The following RBKS variants were observed in gnomAD, a reference collection of about 807,000 sequenced individuals.
The protein encoded by RBKS is ribokinase.
RBKS carries 33 observed loss-of-function variants against 33.9 expected under a neutral mutation model. The ratio of observed to expected loss-of-function variants is 0.97; its 90% CI spans 0.74 to 1.30. The LOEUF is 1.30. RBKS is among the 50% of genes most tolerant of loss of function. The probability of loss-of-function intolerance (pLI) is 0.00; values close to 1 mark genes in which losing one functional copy is unlikely to be tolerated. For synonymous variants in RBKS, 125 were observed against 143.0 expected (o/e 0.87, Z 0.90); for missense variants, 361 against 392.6 (o/e 0.92, Z 0.68).
chr2:27,790,586 C>T (rs972672475), intron 7 of RBKS, among the ~76,000 whole-genome samples: 12 of 151,978 alleles, frequency 7.9e-5, no homozygotes, highest in African/African-American at 2.7e-4. Context: ...AGACCAACAA[C>T]ACAATAAAAA....
rs530773010 is a variant in RBKS, at chr2:27,810,767, C to T, written c.795+16800G>A. Among the ~76,000 whole-genome samples, 2 of 152,156 alleles carry T rather than the reference C, an allele frequency of 1.3e-5. No individual in the cohort carries two copies. Among genetic ancestry groups the T allele is most frequent in the Non-Finnish European group, 2.9e-5 (2 of 68,030 alleles). ...CTTCTCAGCATCCCCATTTCCACTT[C>T]CCTAGTCCAGGCTGCCACCATCTCT... On this transcript the variant is annotated intron_variant, in intron 7 of 7. Transcript: ENST00000302188. The surrounding 1 kb of genome is among the most constrained non-coding windows in gnomAD (Gnocchi z 4.4).
intron 7 of RBKS, among the ~76,000 whole-genome samples, chr2:27,811,834 C>T (rs1325068121): frequency 6.6e-6 from 1 of 151,946 alleles, no homozygotes; most frequent in South Asian, 2.1e-4. Context: ...GTTTTAATGG[C>T]CATGTTTGGA....
At chr2:27,826,999 GA>G (rs11429808) in intron 7 of RBKS, among the ~76,000 whole-genome samples, 5 of 151,752 alleles carry the variant, frequency 3.3e-5, no homozygotes, top group South Asian at 2.1e-4. Context: ...AAGATTAAAT[GA>G]AAAAAAAGAT....
At chr2:27,806,874 G>C (rs947255975) in intron 7 of RBKS, among the ~76,000 whole-genome samples, 4 of 152,222 alleles carry the variant, frequency 2.6e-5, no homozygotes, top group Non-Finnish European at 1.5e-5. Flanking sequence ...GGTGGGGCCT[G>C]GGATTTGTGT....
chr2:27,845,966 A>G (rs1413496962), intron 4 of RBKS, among the ~76,000 whole-genome samples: 1 of 145,310 alleles, frequency 6.9e-6, no homozygotes, highest in African/African-American at 2.5e-5. Flanking sequence ...GGTTGTTACC[A>G]TTTTTTTTTT....
chr2:27,885,484 T>C (rs975090042), intron 1 of RBKS, among the ~76,000 whole-genome samples: 2 of 152,218 alleles, frequency 1.3e-5, no homozygotes, highest in Non-Finnish European at 2.9e-5. Flanking sequence ...GACTCTTTTT[T>C]TCTTCTTCAT....
chr2:27,789,024 C>T (rs1429810664), intron 7 of RBKS, among the ~76,000 whole-genome samples: 1 of 152,044 alleles, frequency 6.6e-6, no homozygotes, highest in African/African-American at 2.4e-5. Flanking sequence ...TGGAAATGAC[C>T]TAGAATAGCC....
chr2:27,789,898 AGAGTGTGTGTGTGTGTGTTTGTGTGTG>A (rs1677476471), intron 7 of RBKS, among the ~76,000 whole-genome samples: 1 of 130,684 alleles, frequency 7.7e-6, no homozygotes, highest in South Asian at 2.3e-4. Context: ...GTGTGTGTAT[AGAGTGTGTGTGTGTGTGTTTGTGTGTG>A]TATATATATA....
At chr2:27,791,782 T>C (rs1677532415) in intron 7 of RBKS, among the ~76,000 whole-genome samples, 1 of 151,870 alleles carries the variant, frequency 6.6e-6, no homozygotes, top group African/African-American at 2.4e-5. Flanking sequence ...CTAGAAAAGG[T>C]AAAAATGTGG....
chr2:27,850,920 G>C (rs1397886722), intron 2 of RBKS, among the ~76,000 whole-genome samples: 1 of 152,178 alleles, frequency 6.6e-6, no homozygotes, highest in East Asian at 1.9e-4. Flanking sequence ...CCACATTCCT[G>C]CAAGGCAAAC....
intron 7 of RBKS, among the ~76,000 whole-genome samples, chr2:27,796,421 T>A (rs1677666934): frequency 6.6e-6 from 1 of 152,198 alleles, no homozygotes; most frequent in Non-Finnish European, 1.5e-5. Flanking sequence ...TTCATCTTCC[T>A]TCAATATAAT....
chr2:27,789,973 G>GTGTATATATATATATATATA (rs1677489204), intron 7 of RBKS, among the ~76,000 whole-genome samples: 4 of 85,256 alleles, frequency 4.7e-5, no homozygotes, highest in African/African-American at 1.9e-4. Flanking sequence ...ATATATATAT[G>GTGTATATATATATATATATA]TATATATATA....
chr2:27,880,783 A>G (rs1051003579), intron 1 of RBKS, among the ~76,000 whole-genome samples: 3 of 152,244 alleles, frequency 2.0e-5, no homozygotes, highest in African/African-American at 7.2e-5. Context: ...AACAAATAGA[A>G]AAAACATTCC....
Position 27,783,643 on chromosome 2 carries a change from C to G in RBKS, c.796-1855G>C, listed in dbSNP as rs192548115. ...CATTCTTAGGCCGGGCGCAGTGGCT[C>G]ACGCCTGTAATCCCAGCACTTCGGG... is the stretch of plus-strand genomic sequence containing the variant. On this transcript the variant is annotated intron_variant, in intron 7 of 7. Transcript: ENST00000302188. Among the ~76,000 whole-genome samples the G allele has an allele frequency of 8.5e-5, 13 of 152,248 alleles. No homozygotes were observed. The East Asian group carries it at 2.5e-3, about 30-fold the overall frequency.
intron 1 of RBKS, chr2:27,870,962 G>A (rs927346655): frequency 8.9e-6 from 4 of 449,510 alleles, no homozygotes; most frequent in African/African-American, 2.0e-5. Flanking sequence ...CCTGGACTGC[G>A]TATCACAGTG....
intron 1 of RBKS, among the ~76,000 whole-genome samples, chr2:27,868,465 T>C (rs1664141930): frequency 6.6e-6 from 1 of 152,242 alleles, no homozygotes; most frequent in Non-Finnish European, 1.5e-5. Context: ...TGCTATAGTT[T>C]TTAACCACAA....
chr2:27,837,396 C>T lies in RBKS; in HGVS notation c.515-4619G>A, dbSNP rs1678547274. Among the ~76,000 whole-genome samples the T allele has an allele frequency of 6.6e-6, 1 of 152,210 alleles. No homozygotes were observed. On this transcript the variant is annotated intron_variant, in intron 5 of 7. Transcript: ENST00000302188. The surrounding 1 kb of genome is among the most constrained non-coding windows in gnomAD (Gnocchi z 4.0). ...TGGCAGGAATGTAACTTAGTTCAGTCATGTAGAAAGCAGTTTGGAGATTGA... is the reference window on the plus strand; with the variant it reads ...TGGCAGGAATGTAACTTAGTTCAGTTATGTAGAAAGCAGTTTGGAGATTGA...
chr2:27,858,928 A>G (rs990913336), intron 1 of RBKS, among the ~76,000 whole-genome samples: 3 of 152,224 alleles, frequency 2.0e-5, no homozygotes, highest in Non-Finnish European at 2.9e-5. Context: ...AAATTAATGT[A>G]TATTTCTATA....
chr2:27,826,050 A>G (rs1422451265), intron 7 of RBKS, among the ~76,000 whole-genome samples: 1 of 152,234 alleles, frequency 6.6e-6, no homozygotes, highest in Non-Finnish European at 1.5e-5. Context: ...CAGAAAATAA[A>G]CTAATAGTTT....
Sources: allele counts gnomAD v4.1 joint callset (sites outside exome capture counted in the v4.1 genomes callset), GRCh38; gene constraint gnomAD v4.1.1; non-coding constraint Gnocchi (gnomAD v3.1); transcripts MANE v1.5; gene names NCBI Gene and HGNC (gene_info 2026-07-23, HGNC 2026-07-21).